UIMC1: variants seen among roughly 807,000 people sequenced by gnomAD.
The protein encoded by UIMC1 is ubiquitin interaction motif containing 1, also known as BRCA1-A complex subunit RAP80.
Under a neutral mutation model 84.9 loss-of-function variants are expected in UIMC1, and 42 were observed. The ratio of observed to expected loss-of-function variants is 0.49; its 90% CI spans 0.39 to 0.64. The LOEUF (loss-of-function observed/expected upper bound fraction) is 0.64, where lower values mean the gene tolerates loss of function less well. UIMC1 is among the 30% of genes least tolerant of loss of function. The pLI is 0.00. For synonymous variants in UIMC1, 281 were observed against 293.0 expected, an observed-to-expected ratio of 0.96 and a Z score of 0.42; for missense variants, 825 against 847.6, an observed-to-expected ratio of 0.97 and a Z score of 0.33.
chr5:177,020,492 A>G (rs1274172577), intron 1 of UIMC1, among the ~76,000 whole-genome samples: 8 of 152,134 alleles, frequency 5.3e-5, no homozygotes, highest in Admixed American at 1.3e-4. Context: ...GTGCAGTGGC[A>G]CGATCTCGGC....
At chr5:176,925,914 C>T (rs938278435) in intron 10 of UIMC1, among the ~76,000 whole-genome samples, 6 of 152,098 alleles carry the variant, frequency 3.9e-5, no homozygotes, top group African/African-American at 9.7e-5. Flanking sequence ...GATTTGCATG[C>T]TTAAGTATTT....
Position 176,907,118 on chromosome 5 carries a change from A to G in UIMC1, c.1908T>C (p.Thr636=), listed in dbSNP as rs149197618. The G allele has an allele frequency of 6.2e-5, 100 of 1,613,870 alleles. No homozygotes were observed. In the African/African-American group the frequency reaches 1.2e-3, roughly 20 times the overall value. Residue 636 remains threonine (T), a synonymous_variant, in exon 13 of 15, where the codon ACT becomes ACC. Transcript: ENST00000511320. ...LSFLEQSEHK[T]SDADIKSSET... ...AACTGGTCCTGGGGTCCTCACCTGA[A>G]GTCTTGTGCTCAGACTGTTCCAAGA... is the stretch of plus-strand genomic sequence containing the variant.
Position 176,908,762 on chromosome 5 carries a change from A to G in UIMC1, c.1677-68T>C, listed in dbSNP as rs143341189. On this transcript the variant is annotated intron_variant, in intron 11 of 14. Coordinates refer to ENST00000511320, the MANE Select transcript of UIMC1 (RefSeq NM_001199298.2). ...TGCTTTTGCCTCTGGGCCCCTGGAT[A>G]TGTCTCAAATTGTGTTTTTACGTCG... 256 of 1,529,098 alleles carry G rather than the reference A, an allele frequency of 1.7e-4. 3 individuals are homozygous for G. The East Asian group carries it at 5.4e-3, about 32-fold the overall frequency. 94.7% of individuals were successfully genotyped at this position (1,529,098 alleles called of 1,614,324 possible). A position where few individuals can be genotyped will look rare whatever the true frequency, so the allele number is the denominator to read the frequency against.
At chr5:176,928,540 C>G (rs1466744881) in intron 10 of UIMC1, among the ~76,000 whole-genome samples, 2 of 152,170 alleles carry the variant, frequency 1.3e-5, no homozygotes, top group African/African-American at 2.4e-5. Flanking sequence ...ACATTAGCAA[C>G]AAAAGCTTTT....
intron 1 of UIMC1, among the ~76,000 whole-genome samples, chr5:176,999,308 T>TATGGG (rs781288738): frequency 2.0e-5 from 3 of 152,224 alleles, no homozygotes; most frequent in Non-Finnish European, 4.4e-5. Flanking sequence ...TGCATATATT[T>TATGGG]ATGGGATACA....
chr5:176,989,074 A>T (rs1772439701), intron 1 of UIMC1, among the ~76,000 whole-genome samples: 1 of 152,120 alleles, frequency 6.6e-6, no homozygotes, highest in South Asian at 2.1e-4. Flanking sequence ...TCAATCACAG[A>T]TTTAAATAAA....
At chr5:177,019,200 G>A (rs1300584044) in intron 1 of UIMC1, among the ~76,000 whole-genome samples, 1 of 152,180 alleles carries the variant, frequency 6.6e-6, no homozygotes, top group Non-Finnish European at 1.5e-5. Context: ...TTCAAGCATG[G>A]GCTCGTACCT....
chr5:177,006,369 C>T (rs1775268220), intron 1 of UIMC1: 1 of 152,440 alleles, frequency 6.6e-6, no homozygotes, highest in Admixed American at 6.5e-5. Flanking sequence ...CCGGAATCCG[C>T]CCCGGAATCG....
intron 10 of UIMC1, among the ~76,000 whole-genome samples, chr5:176,925,016 G>A (rs1762207063): frequency 7.1e-6 from 1 of 141,052 alleles, no homozygotes; most frequent in Non-Finnish European, 1.5e-5. Context: ...GGGCGACAGA[G>A]CAAGACTCTG....
At chr5:176,912,980 T>A (rs1439267594) in intron 10 of UIMC1, among the ~76,000 whole-genome samples, 1 of 152,236 alleles carries the variant, frequency 6.6e-6, no homozygotes, top group East Asian at 1.9e-4. Flanking sequence ...CTTGGCTGTA[T>A]CTTTTCACTG....
chr5:176,907,684 C>A (rs1470167800), intron 12 of UIMC1, among the ~76,000 whole-genome samples: 1 of 152,220 alleles, frequency 6.6e-6, no homozygotes, highest in African/African-American at 2.4e-5. Flanking sequence ...CCCAAAAGTA[C>A]ATCCATCCTT....
intron 3 of UIMC1, among the ~76,000 whole-genome samples, chr5:176,971,166 G>A (rs909175193): frequency 2.6e-5 from 4 of 152,206 alleles, no homozygotes; most frequent in African/African-American, 7.2e-5. Context: ...CACATGGTAC[G>A]TAATAAATAT....
intron 10 of UIMC1, among the ~76,000 whole-genome samples, chr5:176,923,900 G>GACACACACAC (rs35583665): frequency 5.4e-4 from 79 of 145,660 alleles, no homozygotes; most frequent in African/African-American, 1.5e-3. Context: ...CACACACACA[G>GACACACACAC]ACACACACAC....
intron 10 of UIMC1, among the ~76,000 whole-genome samples, chr5:176,920,363 A>G (rs1761555445): frequency 6.6e-6 from 1 of 152,172 alleles, no homozygotes; most frequent in South Asian, 2.1e-4. Context: ...AAATCTGTAG[A>G]TCAACTTGGT....
chr5:176,916,215 A>G (rs745486750), intron 10 of UIMC1, among the ~76,000 whole-genome samples: 19 of 152,354 alleles, frequency 1.2e-4, no homozygotes, highest in Non-Finnish European at 2.1e-4. Flanking sequence ...CCAAAAACCA[A>G]ACTGCTGATG....
At chr5:177,010,364 A>C (rs1775520290), upstream of UIMC1, among the ~76,000 whole-genome samples, 1 of 152,226 alleles carries the variant, frequency 6.6e-6, no homozygotes, top group African/African-American at 2.4e-5. Context: ...CAAAATTAGA[A>C]CAATGCCTAG....
In UIMC1 at chr5:176,951,454, A is replaced by G; in HGVS notation, c.1443+20T>C. Reference sequence around the variant, plus strand: ...AACGGAAAGAAACCACTGAGAAAAAATATAGAGGAAAATATTCACCTCCTT... The same window carrying G: ...AACGGAAAGAAACCACTGAGAAAAAGTATAGAGGAAAATATTCACCTCCTT... On this transcript the variant is annotated intron_variant, in intron 9 of 14. Transcript: ENST00000511320. 2.0e-6 allele frequency: 3 copies of G among 1,500,834 alleles called. No homozygotes were observed. The highest frequency in any genetic ancestry group is 2.7e-6 in the Non-Finnish European group (3 of 1,124,412). 93.0% of individuals were successfully genotyped at this position (1,500,834 alleles called of 1,614,324 possible).
chr5:176,930,992 A>C (rs144283913), intron 10 of UIMC1, among the ~76,000 whole-genome samples: 7 of 151,852 alleles, frequency 4.6e-5, no homozygotes, highest in African/African-American at 1.7e-4. Flanking sequence ...CGGTCTTCTC[A>C]AACATTCCCC....
Position 176,951,561 on chromosome 5 carries a change from G to A in UIMC1, c.1356C>T (p.Ser452=). The A allele has an allele frequency of 6.3e-7, 1 of 1,587,442 alleles. No homozygotes were observed. The highest frequency in any genetic ancestry group is 8.6e-7 in the Non-Finnish European group (1 of 1,169,234). ...ITVCPETQLS[S]SETFDLEREV... is the part of the protein sequence containing the mutation. ...CTCTTTCAAGGTCAAAAGTTTCAGA[G>A]GAACTTAGCTGGGTCTCTGTAATTT... Residue 452 remains serine (S), a synonymous_variant, in exon 9 of 15, where the codon TCC becomes TCT. Coordinates refer to ENST00000511320, the MANE Select transcript of UIMC1 (RefSeq NM_001199298.2).
Sources: gnomAD v4.1 joint callset for allele counts (sites outside exome capture counted in the v4.1 genomes callset) on GRCh38, gnomAD v4.1.1 for gene constraint, MANE v1.5 for transcripts, NCBI Gene and HGNC (gene_info 2026-07-23, HGNC 2026-07-21) for gene names.